Variants in SNX2 observed in about 807,000 individuals in gnomAD.
The protein encoded by SNX2 is sorting nexin-2.
A neutral mutation model predicts 69.9 loss-of-function variants in SNX2; 25 were observed. The ratio of observed to expected loss-of-function variants is 0.36; its 90% CI spans 0.26 to 0.50. The LOEUF (loss-of-function observed/expected upper bound fraction) is 0.50, where lower values mean the gene tolerates loss of function less well. Ranked by LOEUF, SNX2 falls within the 20% of genes least tolerant of loss-of-function variation. SNX2 has a pLI of 0.97. For missense variants in SNX2, 551 were observed against 613.3 expected (o/e 0.90, Z 1.07); for synonymous variants, 229 against 200.4 (o/e 1.14, Z -1.20).
chr5:122,807,865 T>G (rs770155205), intron 6 of SNX2, among the ~76,000 whole-genome samples: 22 of 152,174 alleles, frequency 1.4e-4, no homozygotes, highest in Non-Finnish European at 3.1e-4. Flanking sequence ...GTAAAGAATT[T>G]TAATTATTGC....
intron 11 of SNX2, among the ~76,000 whole-genome samples, chr5:122,821,388 T>A (rs17450498): frequency 0.062 from 9,449 of 152,126 alleles, 409 homozygotes; most frequent in Non-Finnish European, 0.096. Flanking sequence ...GTGTGTAGTG[T>A]TCTTTGTCTG....
intron 10 of SNX2, among the ~76,000 whole-genome samples, chr5:122,818,587 A>G (rs1581644427): frequency 6.6e-6 from 1 of 152,224 alleles, no homozygotes; most frequent in East Asian, 1.9e-4. Flanking sequence ...AACATAGTTC[A>G]TCCCTTTGGA....
chr5:122,785,860 T>C (rs557484970), intron 1 of SNX2, among the ~76,000 whole-genome samples: 8 of 152,308 alleles, frequency 5.3e-5, no homozygotes, highest in Admixed American at 4.6e-4. Flanking sequence ...GTCTGTTTTG[T>C]TGGGTGGAGT....
intron 1 of SNX2, among the ~76,000 whole-genome samples, chr5:122,794,726 A>G (rs902823643): frequency 5.9e-5 from 9 of 152,336 alleles, no homozygotes; most frequent in African/African-American, 1.9e-4. Context: ...AAGGATGACT[A>G]GAAAAGGTTT....
At chr5:122,789,474 G>GACAC (rs60199625) in intron 1 of SNX2, among the ~76,000 whole-genome samples, 11,477 of 144,626 alleles carry the variant, frequency 0.079, 628 homozygotes, top group East Asian at 0.29. Context: ...GACACACACG[G>GACAC]ACACACACAC....
At chr5:122,799,987 G>A in intron 3 of SNX2, 132 bp downstream of exon 3, 1 of 640,436 alleles carries the variant, frequency 1.6e-6, no homozygotes, top group Non-Finnish European at 2.5e-6. Flanking sequence ...GACTAAATTA[G>A]TTATGGGATC....
At chr5:122,806,098 G>C (rs1191990985) in intron 6 of SNX2, among the ~76,000 whole-genome samples, 1 of 93,274 alleles carries the variant, frequency 1.1e-5, no homozygotes, top group African/African-American at 3.7e-5. Flanking sequence ...ACTTTTATGT[G>C]TGTGTGTGTG....
intron 1 of SNX2, among the ~76,000 whole-genome samples, chr5:122,780,856 C>T (rs1267437925): frequency 6.6e-6 from 1 of 152,150 alleles, no homozygotes; most frequent in East Asian, 1.9e-4. Context: ...GCCTGAGCCA[C>T]CACGCACAGC....
In SNX2 at chr5:122,801,903, TAG is replaced by T. The variant is rs1343273173; in HGVS notation, c.427_428del (p.Glu143AsnfsTer11). 1 of 1,602,526 alleles carries T rather than the reference TAG, an allele frequency of 6.2e-7. No individual in the cohort carries two copies. Among genetic ancestry groups the T allele is most frequent in the Non-Finnish European group, 8.5e-7 (1 of 1,171,846 alleles). The stretch of plus-strand genomic sequence containing the variant: ...GAAGCAAATGGAGACATTTTTGACA[TAG>T]AAATTGGTGTATCAGATCCAGAAAA... On this transcript the variant is annotated frameshift_variant, in exon 4 of 15. Transcript: ENST00000379516. LOFTEE classifies it high-confidence loss of function.
chr5:122,775,821 G>A, intron 1 of SNX2: 1 of 970,766 alleles, frequency 1.0e-6, no homozygotes, highest in Non-Finnish European at 1.2e-6. Context: ...AAAGGTCATA[G>A]TATTTATAAA....
chr5:122,826,068 A>G lies in SNX2; in HGVS notation c.1231A>G (p.Met411Val), dbSNP rs776328314. The change falls in exon 12 of 15, where the codon ATG (methionine) becomes GTG (valine). Residue 411 changes from methionine to valine, a missense_variant. By Grantham distance (21) the Met-to-Val change is conservative. This residue lies in a region of SNX2 where 360 missense variants were observed against 450.4 expected (regional missense o/e 0.80). Coordinates refer to ENST00000379516, the MANE Select transcript of SNX2 (RefSeq NM_003100.4). ...CTTATAGGGTGTGTTTGACCATCGA[A>G]TGAAGTGCTGGCAGAAATGGGAAGA... ...AAVKGVFDHR[M>V]KCWQKWEDAQ... 11 of 1,613,070 alleles carry G rather than the reference A, an allele frequency of 6.8e-6. No individual in the cohort carries two copies. The highest frequency in any genetic ancestry group is 9.3e-6 in the Non-Finnish European group (11 of 1,179,372).
At chr5:122,795,085 A>G (rs570435279) in intron 1 of SNX2, among the ~76,000 whole-genome samples, 181 bp from the exon 2 acceptor site, 2 of 152,324 alleles carry the variant, frequency 1.3e-5, no homozygotes, top group East Asian at 3.9e-4. Context: ...GTTAAGAAAG[A>G]TGATGAGTTA....
At chr5:122,778,391 C>T (rs1752899831) in intron 1 of SNX2, among the ~76,000 whole-genome samples, 1 of 152,234 alleles carries the variant, frequency 6.6e-6, no homozygotes, top group African/African-American at 2.4e-5. Context: ...TCTGAGTAAA[C>T]TCCATACTGT....
chr5:122,806,094 A>ATGTGTGTGTGTGTGTGTGTG (rs147188322), intron 6 of SNX2, among the ~76,000 whole-genome samples: 1 of 124,792 alleles, frequency 8.0e-6, no homozygotes, highest in African/African-American at 3.0e-5. Flanking sequence ...TAAAACTTTT[A>ATGTGTGTGTGTGTGTGTGTG]TGTGTGTGTG....
intron 6 of SNX2, chr5:122,803,827 G>A: frequency 4.6e-6 from 2 of 438,716 alleles, no homozygotes; most frequent in Non-Finnish European, 8.0e-6. Context: ...TTTTGTTTAT[G>A]TAATACAGTA....
At chr5:122,804,599 C>A (rs1753592381) in intron 6 of SNX2, among the ~76,000 whole-genome samples, 1 of 152,024 alleles carries the variant, frequency 6.6e-6, no homozygotes, top group Non-Finnish European at 1.5e-5. Flanking sequence ...GAACTCCTGA[C>A]CTTGTGATCT....
At chr5:122,808,869 G>A (rs1427238821) in intron 7 of SNX2, among the ~76,000 whole-genome samples, 1 of 152,052 alleles carries the variant, frequency 6.6e-6, no homozygotes, top group Non-Finnish European at 1.5e-5. Context: ...TAACTTTTCT[G>A]ATGAGTTTTT....
In SNX2 at chr5:122,795,411, A is replaced by T. The variant is rs1325947284; in HGVS notation, c.226+28A>T. On this transcript the variant is annotated intron_variant, in intron 2 of 14. Transcript: ENST00000379516. Reference sequence around the variant, plus strand: ...AATTGTCATGTATTTATTTTTTAATAATGGTCAATTGCAGTATATTTTCTA... The same window carrying T: ...AATTGTCATGTATTTATTTTTTAATTATGGTCAATTGCAGTATATTTTCTA... 2.2e-6 allele frequency: 3 copies of T among 1,371,790 alleles called. No homozygotes were observed. In the African/African-American group the frequency reaches 4.3e-5, roughly 20 times the overall value. 85.0% of individuals were successfully genotyped at this position (1,371,790 alleles called of 1,614,324 possible).
intron 6 of SNX2, among the ~76,000 whole-genome samples, chr5:122,806,355 A>G (rs1011521150): frequency 6.6e-6 from 1 of 152,108 alleles, no homozygotes; most frequent in Admixed American, 6.5e-5. Flanking sequence ...TGAACTTCTA[A>G]TTACATAGCT....
Sources: allele counts gnomAD v4.1 joint callset (sites outside exome capture counted in the v4.1 genomes callset), GRCh38; gene constraint gnomAD v4.1.1; regional missense constraint gnomAD v4.1.1; transcripts MANE v1.5; gene names NCBI Gene and HGNC (gene_info 2026-07-23, HGNC 2026-07-21).